The following MSRA variants were observed in gnomAD, a reference collection of about 807,000 sequenced individuals.
MSRA encodes the protein methionine sulfoxide reductase A.
MSRA carries 54 observed loss-of-function variants against 31.3 expected under a neutral mutation model. The ratio of observed to expected loss-of-function variants is 1.73; its 90% CI spans 1.39 to 2.17. The LOEUF (loss-of-function observed/expected upper bound fraction) is 2.17. Ranked by LOEUF, MSRA falls within the 30% of genes most tolerant of loss-of-function variation. The pLI is 0.00. For synonymous variants in MSRA, 169 were observed against 116.5 expected (o/e 1.45, Z -2.90); for missense variants, 507 against 300.9 (o/e 1.69, Z -5.07).
intron 3 of MSRA, among the ~76,000 whole-genome samples, chr8:10,296,790 G>A (rs1329978808): frequency 6.6e-6 from 1 of 152,114 alleles, no homozygotes; most frequent in African/African-American, 2.4e-5. Context: ...GACCTGCTTT[G>A]CCTCCTCTCC....
At chr8:10,256,099 C>T (rs189514396) in intron 3 of MSRA, among the ~76,000 whole-genome samples, 78 of 152,192 alleles carry the variant, frequency 5.1e-4, no homozygotes, top group Admixed American at 1.4e-3. Context: ...ATTTCACTGC[C>T]CTAAAATTCT....
At chr8:10,103,628 A>G (rs1415014031) in intron 1 of MSRA, among the ~76,000 whole-genome samples, 2 of 152,230 alleles carry the variant, frequency 1.3e-5, no homozygotes, top group Non-Finnish European at 2.9e-5. Flanking sequence ...CTCCAGACAC[A>G]TGAGGATGAT....
intron 5 of MSRA, among the ~76,000 whole-genome samples, chr8:10,420,965 C>G (rs553333459): frequency 3.7e-4 from 56 of 152,050 alleles, no homozygotes; most frequent in African/African-American, 1.3e-3. Context: ...CCACTGCACT[C>G]CAGCCTGGGT....
At chr8:10,405,752 C>G (rs1157060946) in intron 5 of MSRA, among the ~76,000 whole-genome samples, 1 of 151,814 alleles carries the variant, frequency 6.6e-6, no homozygotes, top group African/African-American at 2.4e-5. Flanking sequence ...TTCACACACA[C>G]CCATGTGCTC....
At chr8:10,098,873 A>G (rs1247961266) in intron 1 of MSRA, among the ~76,000 whole-genome samples, 1 of 152,220 alleles carries the variant, frequency 6.6e-6, no homozygotes, top group Non-Finnish European at 1.5e-5. Context: ...AAGCAGGTGT[A>G]ATTGAACCTT....
At chr8:10,229,296 G>T (rs1811263345) in intron 2 of MSRA, among the ~76,000 whole-genome samples, 1 of 152,206 alleles carries the variant, frequency 6.6e-6, no homozygotes, top group Admixed American at 6.5e-5. Flanking sequence ...CAAAGCTGTG[G>T]GTTCAGAAGT....
At chr8:10,317,396 C>G (rs1171376819) in intron 4 of MSRA, among the ~76,000 whole-genome samples, 2 of 152,222 alleles carry the variant, frequency 1.3e-5, no homozygotes, top group Non-Finnish European at 2.9e-5. Context: ...AAGTCATCAT[C>G]TTATGCTTCA....
chr8:10,106,878 C>G (rs922037438), intron 1 of MSRA, among the ~76,000 whole-genome samples: 1 of 151,922 alleles, frequency 6.6e-6, no homozygotes, highest in South Asian at 2.1e-4. Context: ...CCCACCTACC[C>G]CTTCCCTCCA....
At chr8:10,275,689 G>A (rs1292093208) in intron 3 of MSRA, among the ~76,000 whole-genome samples, 1 of 152,178 alleles carries the variant, frequency 6.6e-6, no homozygotes, top group Admixed American at 6.5e-5. Context: ...AAATGTGTAA[G>A]TACAAGGAGA....
At chr8:10,259,575 C>T (rs73191599) in intron 3 of MSRA, among the ~76,000 whole-genome samples, 15,388 of 152,096 alleles carry the variant, frequency 0.1, 932 homozygotes, top group East Asian at 0.21. Context: ...TCCCCATTCC[C>T]ATTTCTTCTG....
chr8:10,334,965 C>T (rs1364899977), intron 5 of MSRA, among the ~76,000 whole-genome samples: 4 of 152,200 alleles, frequency 2.6e-5, no homozygotes, highest in Non-Finnish European at 4.4e-5. Context: ...GCGGCGAGCC[C>T]GCCCATTGGC....
At chr8:10,157,050 G>T (rs907028284) in intron 1 of MSRA, among the ~76,000 whole-genome samples, 11 of 151,770 alleles carry the variant, frequency 7.2e-5, no homozygotes, top group African/African-American at 2.7e-4. Context: ...AGTGGCTTTT[G>T]CAAGGCCGCG....
intron 5 of MSRA, chr8:10,411,342 A>G (rs987161840): frequency 1.3e-5 from 2 of 152,208 alleles, no homozygotes; most frequent in Non-Finnish European, 2.9e-5. Context: ...AACTGACAAA[A>G]GCTTCTTTTC....
At chr8:10,126,037 A>G (rs1198962638) in intron 1 of MSRA, among the ~76,000 whole-genome samples, 3 of 152,236 alleles carry the variant, frequency 2.0e-5, no homozygotes, top group Non-Finnish European at 2.9e-5. Flanking sequence ...GTACTTCTCC[A>G]TCTTTAGAAG....
At chr8:10,202,717 C>T (rs1450865207) in intron 1 of MSRA, among the ~76,000 whole-genome samples, 1 of 152,192 alleles carries the variant, frequency 6.6e-6, no homozygotes, top group Non-Finnish European at 1.5e-5. Context: ...AAAGTTCACA[C>T]AGGTGATAAT....
intron 1 of MSRA, among the ~76,000 whole-genome samples, chr8:10,130,587 C>T (rs1002121597): frequency 2.0e-5 from 3 of 152,042 alleles, no homozygotes; most frequent in Admixed American, 6.6e-5. Context: ...GACATTTCGA[C>T]GGAAAAAATA....
chr8:10,291,985 G>A lies in MSRA; in HGVS notation c.332-9549G>A, dbSNP rs563680312. Among the ~76,000 whole-genome samples the A allele has an allele frequency of 7.2e-5, 11 of 152,276 alleles. No individual in the cohort carries two copies. The East Asian group carries it at 1.4e-3, about 19-fold the overall frequency. On this transcript the variant is annotated intron_variant, in intron 3 of 5. Transcript: ENST00000317173. Reference sequence around the variant, plus strand: ...CGTGGAATCCTCAGTGCTCAGCACCGTGCATGGAGCTTAGCAGGCATTTGA... The same window carrying A: ...CGTGGAATCCTCAGTGCTCAGCACCATGCATGGAGCTTAGCAGGCATTTGA...
rs567197414 is a variant in MSRA at position 10,424,156 on chromosome 8, A to G, written c.544-3992A>G. 1.1e-3 allele frequency among the ~76,000 whole-genome samples: 168 copies of G among 152,354 alleles called. 2 individuals are homozygous for G. Among genetic ancestry groups the G allele is most frequent in the African/African-American group, 3.7e-3 (153 of 41,582 alleles). ...ATTTGGTCTGGGTCCTCAGAGATGG[A>G]TAGGAGTTCCTGCGATGGAAAAGAG... On this transcript the variant is annotated intron_variant, in intron 5 of 5. Coordinates refer to ENST00000317173, the MANE Select transcript of MSRA (RefSeq NM_012331.5).
chr8:10,142,430 C>A (rs903782600), intron 1 of MSRA, among the ~76,000 whole-genome samples: 3 of 152,206 alleles, frequency 2.0e-5, no homozygotes, highest in African/African-American at 7.2e-5. Context: ...CTTCTAAATC[C>A]GTGTTCTGTC....
Sources: gnomAD v4.1 joint callset for allele counts (sites outside exome capture counted in the v4.1 genomes callset) on GRCh38, gnomAD v4.1.1 for gene constraint, MANE v1.5 for transcripts, NCBI Gene and HGNC (gene_info 2026-07-23, HGNC 2026-07-21) for gene names.